SVBP: variants seen among roughly 807,000 people sequenced by gnomAD.
SVBP encodes small vasohibin binding protein.
SVBP carries 9 observed loss-of-function variants against 9.2 expected under a neutral mutation model. The observed-to-expected ratio is 0.98, with a 90% CI of 0.59 to 1.71. SVBP has a LOEUF of 1.71. Among genes scored for constraint, SVBP ranks in the 40% most tolerant of loss-of-function variants. The pLI is 0.00. For synonymous variants in SVBP, 27 were observed against 23.9 expected, an observed-to-expected ratio of 1.13 and a Z score of -0.37; for missense variants, 63 against 73.2, an observed-to-expected ratio of 0.86 and a Z score of 0.51.
chr1:42,816,373 T>C, intron 2 of SVBP, 58 bp downstream of exon 2: 2 of 1,221,244 alleles, frequency 1.6e-6, no homozygotes, highest in Non-Finnish European at 2.4e-6. Context: ...GCTGTTTCTC[T>C]ATTCCAGCAT....
chr1:42,813,381 T>C lies in SVBP; in HGVS notation c.114+3050A>G. 2 of 489,800 alleles carry C rather than the reference T, an allele frequency of 4.1e-6. 1 individual carries two copies. The highest frequency in any genetic ancestry group is 8.2e-6 in the Non-Finnish European group (2 of 244,924). The allele number at this position is 489,800 out of a possible 1,614,324, so 30.3% of individuals were successfully genotyped here. On this transcript the variant is annotated intron_variant, in intron 2 of 2. Coordinates refer to ENST00000372521, the MANE Select transcript of SVBP (RefSeq NM_199342.4). ...ATACGCATTTAACTTCTGCAGTCTG[T>C]TGTGTTTGAACACCATCTACCTGAG...
chr1:42,809,335 T>C (rs754741598), intron 2 of SVBP, among the ~76,000 whole-genome samples: 2 of 151,206 alleles, frequency 1.3e-5, no homozygotes, highest in East Asian at 1.9e-4. Flanking sequence ...GTGGGACAAA[T>C]AGAAAATACA....
chr1:42,815,571 T>A (rs972855916), intron 2 of SVBP, among the ~76,000 whole-genome samples: 2 of 152,008 alleles, frequency 1.3e-5, no homozygotes, highest in Non-Finnish European at 2.9e-5. Flanking sequence ...ATAATTTAAA[T>A]GTGCATCTCT....
intron 2 of SVBP, among the ~76,000 whole-genome samples, chr1:42,814,553 T>G (rs1383959652): frequency 2.0e-5 from 3 of 151,464 alleles, no homozygotes; most frequent in Admixed American, 6.6e-5. Flanking sequence ...GAGGCAGAGG[T>G]TGCAGTGAGC....
At chr1:42,810,247 A>G (rs543885859) in intron 2 of SVBP, among the ~76,000 whole-genome samples, 2 of 152,194 alleles carry the variant, frequency 1.3e-5, no homozygotes, top group Admixed American at 1.3e-4. Context: ...CTCCTGGTTC[A>G]AGCAATTCCC....
At position 42,816,471 on chromosome 1, in the gene SVBP, TTC is replaced by T. The variant is rs563737990; in HGVS notation, c.72_73del (p.Lys25IlefsTer30). ...CTGCTTCAGCTCCTGCTGGGCTGATTTCTGTTTGGCCTTCTCAACTCTGCTGA... is the reference window on the plus strand; with the variant it reads ...CTGCTTCAGCTCCTGCTGGGCTGATTTGTTTGGCCTTCTCAACTCTGCTGA... On this transcript the variant is annotated frameshift_variant, in exon 2 of 3. Transcript: ENST00000372521. LOFTEE classifies it high-confidence loss of function. The T allele has an allele frequency of 6.2e-7, 1 of 1,614,150 alleles. No homozygotes were observed. Among genetic ancestry groups the T allele is most frequent in the Non-Finnish European group, 8.5e-7 (1 of 1,180,006 alleles).
chr1:42,816,158 T>G, intron 2 of SVBP: 1 of 379,818 alleles, frequency 2.6e-6, no homozygotes, highest in Non-Finnish European at 4.8e-6. Flanking sequence ...TCTTTCCCCT[T>G]ACATATCATT....
In SVBP at chr1:42,807,172, A is replaced by ATTTTT. The variant is rs1653977589; in HGVS notation, c.*241_*242insAAAAA. ...GTGTGTGTTTTTTTTTTTTTTTTAA[A>ATTTTT]AAAACCCAAAAAACAAAACCACTGT... On this transcript the variant is annotated 3_prime_UTR_variant, in exon 3 of 3. Coordinates refer to ENST00000372521, the MANE Select transcript of SVBP (RefSeq NM_199342.4). 19 of 244,762 alleles carry ATTTTT rather than the reference A, an allele frequency of 7.8e-5. No homozygotes were observed. The highest frequency in any genetic ancestry group is 2.1e-4 in the South Asian group (1 of 4,790). The allele number at this position is 244,762 out of a possible 1,614,324, so 15.2% of individuals were successfully genotyped here. A position where few individuals can be genotyped will look rare whatever the true frequency, so the allele number is the denominator to read the frequency against.
At chr1:42,817,073 A>G in intron 1 of SVBP, 117 bp downstream of exon 1, 8 of 100,034 alleles carry the variant, frequency 8.0e-5, no homozygotes, top group Non-Finnish European at 1.6e-4. Flanking sequence ...CGGCCCCCCG[A>G]CCCCGCCCCG....
intron 2 of SVBP, among the ~76,000 whole-genome samples, chr1:42,811,584 T>C (rs1404870024): frequency 2.0e-5 from 3 of 152,230 alleles, no homozygotes; most frequent in Non-Finnish European, 4.4e-5. Flanking sequence ...CACAAGATTA[T>C]TCCTGATCAT....
chr1:42,813,336 A>G, intron 2 of SVBP: 1 of 328,824 alleles, frequency 3.0e-6, no homozygotes, highest in Non-Finnish European at 6.3e-6. Context: ...TTAAATTTTG[A>G]CGTTGGTTCT....
chr1:42,810,746 C>T (rs891091434), intron 2 of SVBP, among the ~76,000 whole-genome samples: 2 of 152,184 alleles, frequency 1.3e-5, no homozygotes, highest in Non-Finnish European at 2.9e-5. Flanking sequence ...CTCTCCTTCA[C>T]ATCTAACTTT....
chr1:42,810,385 A>C (rs1348783936), intron 2 of SVBP, among the ~76,000 whole-genome samples: 2 of 152,098 alleles, frequency 1.3e-5, no homozygotes, highest in African/African-American at 4.8e-5. Context: ...TGACCTCGTG[A>C]TCTGCCCACC....
rs746592231 is a variant in SVBP, at chr1:42,817,215, T to G, written c.-62A>C. On this transcript the variant is annotated 5_prime_UTR_variant, in exon 1 of 3. Coordinates refer to ENST00000372521, the MANE Select transcript of SVBP (RefSeq NM_199342.4). ...CTTTCCCGACCGGGCCACTGGAAGT[T>G]GGAGCCTCCGCCGAGTCGCAGACAA... The G allele has an allele frequency of 1.6e-6, 2 of 1,256,710 alleles. No individual in the cohort carries two copies. The highest frequency in any genetic ancestry group is 2.6e-5 in the South Asian group (2 of 77,322). 77.8% of individuals were successfully genotyped at this position (1,256,710 alleles called of 1,614,324 possible).
intron 2 of SVBP, among the ~76,000 whole-genome samples, chr1:42,808,795 C>G (rs971782252): frequency 3.3e-5 from 5 of 152,056 alleles, no homozygotes; most frequent in Admixed American, 1.3e-4. Flanking sequence ...CTCCCAAGTT[C>G]AAGCATTTCT....
chr1:42,808,183 A>ATATGTTATAATATATAAG (rs1654006861), intron 2 of SVBP, among the ~76,000 whole-genome samples: 2 of 130,524 alleles, frequency 1.5e-5, no homozygotes, highest in Non-Finnish European at 3.2e-5. Flanking sequence ...ATATATACAT[A>ATATGTTATAATATATAAG]CTATGTATAG....
rs1219403571 is a variant in SVBP at position 42,816,441 on chromosome 1, T to C, written c.104A>G (p.Gln35Arg). 2 of 1,611,926 alleles carry C rather than the reference T, an allele frequency of 1.2e-6. No individual in the cohort carries two copies. The highest frequency in any genetic ancestry group is 2.2e-5 in the East Asian group (1 of 44,864). Residue 35 changes from glutamine to arginine, a missense_variant, in exon 2 of 3, where the codon CAA becomes CGA. By Grantham distance (43) the Gln-to-Arg change is conservative. Coordinates refer to ENST00000372521, the MANE Select transcript of SVBP (RefSeq NM_199342.4). ...KSAQQELKQR[Q>R]RAEIYALNRV... Reference sequence around the variant, plus strand: ...CCGCCTTAATCTCACCTCTGCTCTTTGTCTCTGCTTCAGCTCCTGCTGGGC... The same window carrying C: ...CCGCCTTAATCTCACCTCTGCTCTTCGTCTCTGCTTCAGCTCCTGCTGGGC...
chr1:42,811,464 G>C (rs555415653), intron 2 of SVBP, among the ~76,000 whole-genome samples: 1 of 152,290 alleles, frequency 6.6e-6, no homozygotes, highest in African/African-American at 2.4e-5. Context: ...AGCTGCACGG[G>C]GCCAGCTGCT....
chr1:42,807,103 T>A lies in SVBP; in HGVS notation c.*311A>T, dbSNP rs956841475. ...TTTTTGGAGAAGATATAGAGTTTCA[T>A]GAGAAACACTGATTTTTCTCAAACA... On this transcript the variant is annotated 3_prime_UTR_variant, in exon 3 of 3. Transcript: ENST00000372521. The A allele has an allele frequency of 1.9e-5, 4 of 215,540 alleles. No homozygotes were observed. Among genetic ancestry groups the A allele is most frequent in the African/African-American group, 9.1e-5 (4 of 43,766 alleles). The allele number at this position is 215,540 out of a possible 1,614,324, so 13.4% of individuals were successfully genotyped here. A position where few individuals can be genotyped will look rare whatever the true frequency, so the allele number is the denominator to read the frequency against.
Sources: gnomAD v4.1 joint callset for allele counts (sites outside exome capture counted in the v4.1 genomes callset) on GRCh38, gnomAD v4.1.1 for gene constraint, MANE v1.5 for transcripts, NCBI Gene and HGNC (gene_info 2026-07-23, HGNC 2026-07-21) for gene names.